The following STK10 variants were observed in gnomAD, a reference collection of about 807,000 sequenced individuals.
STK10 encodes the protein serine/threonine-protein kinase 10.
STK10 carries 78 observed loss-of-function variants against 113.8 expected under a neutral mutation model. The observed-to-expected ratio is 0.69, with a 90% CI of 0.57 to 0.83. The LOEUF (loss-of-function observed/expected upper bound fraction) is 0.83, where lower values mean the gene tolerates loss of function less well. Ranked by LOEUF, STK10 falls within the 40% of genes least tolerant of loss-of-function variation. The pLI, the probability that STK10 is intolerant of heterozygous loss-of-function variation, is 0.00. For missense variants in STK10, 1,109 were observed against 1,280.1 expected, an observed-to-expected ratio of 0.87 and a Z score of 2.04; for synonymous variants, 465 against 494.7, an observed-to-expected ratio of 0.94 and a Z score of 0.80.
At chr5:172,059,420 G>A (rs1398020304) in intron 14 of STK10, among the ~76,000 whole-genome samples, 7 of 130,752 alleles carry the variant, frequency 5.4e-5, no homozygotes, top group East Asian at 4.4e-4. Flanking sequence ...GTGAGACAGC[G>A]AGACTCTCCA....
chr5:172,156,893 G>A (rs1770358240), intron 1 of STK10, 105 bp from the exon 2 acceptor site: 2 of 1,330,220 alleles, frequency 1.5e-6, no homozygotes, highest in East Asian at 4.7e-5. Flanking sequence ...GAGGCCGGAT[G>A]TCCAGATGCT....
At chr5:172,143,851 T>C (rs1054613950) in intron 2 of STK10, among the ~76,000 whole-genome samples, 1 of 152,158 alleles carries the variant, frequency 6.6e-6, no homozygotes, top group African/African-American at 2.4e-5. Context: ...GTTGAATAAA[T>C]GAATGAATAA....
intron 15 of STK10, chr5:172,057,004 G>GAACGAAAGAAA (rs1554115578): frequency 1.4e-5 from 1 of 73,394 alleles, no homozygotes; most frequent in African/African-American, 5.1e-5. Context: ...AGAGAAAGAA[G>GAACGAAAGAAA]GAAAGAAAGA....
intron 10 of STK10, among the ~76,000 whole-genome samples, chr5:172,089,415 T>TGGATGGATGGAA (rs1554118117): frequency 2.0e-5 from 3 of 148,116 alleles, no homozygotes; most frequent in Admixed American, 6.7e-5. Flanking sequence ...GATGGATGGA[T>TGGATGGATGGAA]GGATGGATGG....
rs1768761337 is a variant in STK10 at position 172,093,297 on chromosome 5, T to G, written c.1554+115A>C. ...ACTATGAGTCAAACCCAAAACCCCC[T>G]AATGAACCACTTAAAATGCAAGGAA... On this transcript the variant is annotated intron_variant, in intron 9 of 18. Transcript: ENST00000176763. The surrounding 1 kb of genome is among the most constrained non-coding windows in gnomAD (Gnocchi z 4.1). 2.6e-6 allele frequency: 3 copies of G among 1,169,002 alleles called. No individual in the cohort carries two copies. The highest frequency in any genetic ancestry group is 4.8e-5 in the East Asian group (2 of 41,874). 72.4% of individuals were successfully genotyped at this position (1,169,002 alleles called of 1,614,324 possible). A position where few individuals can be genotyped will look rare whatever the true frequency, so the allele number is the denominator to read the frequency against.
intron 2 of STK10, among the ~76,000 whole-genome samples, chr5:172,127,714 C>T (rs900187092): frequency 6.6e-6 from 1 of 152,222 alleles, no homozygotes; most frequent in African/African-American, 2.4e-5. Flanking sequence ...CAGCCAAGCC[C>T]ACACCCTCCC....
chr5:172,108,846 G>A (rs1359988086), intron 4 of STK10, among the ~76,000 whole-genome samples: 3 of 151,196 alleles, frequency 2.0e-5, no homozygotes, highest in Non-Finnish European at 4.4e-5. Context: ...GTGCAGTGGC[G>A]CAATCTTGGC....
At chr5:172,151,641 G>A (rs1164918595) in intron 2 of STK10, among the ~76,000 whole-genome samples, 2 of 152,162 alleles carry the variant, frequency 1.3e-5, no homozygotes, top group Non-Finnish European at 2.9e-5. Context: ...ACTGCGCCCG[G>A]CCCACTTCAC....
rs539067292 is a variant in STK10 at position 172,075,574 on chromosome 5, G to A, written c.1989+6752C>T. On this transcript the variant is annotated intron_variant, in intron 12 of 18. Coordinates refer to ENST00000176763, the MANE Select transcript of STK10 (RefSeq NM_005990.4). ...TGCCTGTAGTCCCAGCTACTCGGGA[G>A]GCTGAGGCAGGAGAATCGCTTGAAC... Among the ~76,000 whole-genome samples, 3 of 152,334 alleles carry A rather than the reference G, an allele frequency of 2.0e-5. No individual in the cohort carries two copies. In the East Asian group the frequency reaches 5.8e-4, roughly 29 times the overall value.
At chr5:172,158,351 C>A (rs1289033484) in intron 1 of STK10, among the ~76,000 whole-genome samples, 1 of 151,832 alleles carries the variant, frequency 6.6e-6, no homozygotes, top group Non-Finnish European at 1.5e-5. Context: ...AGTGTGGAAA[C>A]AATCCAAGTG....
At chr5:172,156,508 C>G in intron 2 of STK10, 116 bp downstream of exon 2, 2 of 1,364,156 alleles carry the variant, frequency 1.5e-6, no homozygotes, top group South Asian at 3.1e-5. Flanking sequence ...TCTCCTTGCC[C>G]TAGCCCTCGT....
intron 1 of STK10, among the ~76,000 whole-genome samples, chr5:172,178,888 G>A (rs953871507): frequency 6.6e-6 from 1 of 152,204 alleles, no homozygotes; most frequent in Admixed American, 6.5e-5. Context: ...GACACTTTTG[G>A]TTGCCACAAC....
chr5:172,121,219 C>G (rs796816093), intron 3 of STK10, among the ~76,000 whole-genome samples: 7 of 151,902 alleles, frequency 4.6e-5, no homozygotes, highest in African/African-American at 1.7e-4. Context: ...TTAGTAGAGA[C>G]GGGGTTTCAC....
At chr5:172,057,120 T>C (rs1581133581) in intron 15 of STK10, 3 of 541,356 alleles carry the variant, frequency 5.5e-6, no homozygotes, top group East Asian at 3.4e-5. Flanking sequence ...AGGGAGCCAC[T>C]TGGGCCATTG....
intron 12 of STK10, among the ~76,000 whole-genome samples, chr5:172,072,824 A>G (rs1410046540): frequency 1.3e-5 from 2 of 152,224 alleles, no homozygotes; most frequent in African/African-American, 4.8e-5. Flanking sequence ...AAGCAATAAG[A>G]CCGTTTCTAT....
At chr5:172,141,515 A>G (rs1769971560) in intron 2 of STK10, among the ~76,000 whole-genome samples, 1 of 150,388 alleles carries the variant, frequency 6.6e-6, no homozygotes, top group Non-Finnish European at 1.5e-5. Context: ...CAGGAATCAG[A>G]GGTTGCAGTG....
Position 172,107,853 on chromosome 5 carries a change from C to G in STK10, c.521-1G>C. On this transcript the variant is annotated splice_acceptor_variant, in intron 4 of 18. Transcript: ENST00000176763. LOFTEE classifies it high-confidence loss of function. ...TTCTTGGCAGACACACCAAAGTCAG[C>G]TGCAAGACAAAATCTCAGCTAGCGT... The G allele has an allele frequency of 6.2e-7, 1 of 1,614,096 alleles. No homozygotes were observed.
chr5:172,157,439 C>T (rs1770373729), intron 1 of STK10, among the ~76,000 whole-genome samples: 1 of 152,070 alleles, frequency 6.6e-6, no homozygotes, highest in Non-Finnish European at 1.5e-5. Flanking sequence ...GCCTGTAGTC[C>T]CAGCTATTGG....
intron 9 of STK10, among the ~76,000 whole-genome samples, chr5:172,090,613 T>C (rs1768678692): frequency 6.6e-6 from 1 of 152,106 alleles, no homozygotes; most frequent in Non-Finnish European, 1.5e-5. Flanking sequence ...TGCCAGCACC[T>C]CTCATGCATC....
Sources: gnomAD v4.1 joint callset for allele counts (sites outside exome capture counted in the v4.1 genomes callset) on GRCh38, gnomAD v4.1.1 for gene constraint, Gnocchi (gnomAD v3.1) non-coding constraint, MANE v1.5 for transcripts, NCBI Gene and HGNC (gene_info 2026-07-23, HGNC 2026-07-21) for gene names.